TMEM45A: variants seen among roughly 807,000 people sequenced by gnomAD.
TMEM45A encodes the protein DNA polymerase-transactivated protein 4.
A neutral mutation model predicts 32.0 loss-of-function variants in TMEM45A; 25 were observed. That is an observed-to-expected ratio of 0.78 (90% CI 0.57 to 1.09). TMEM45A has a LOEUF of 1.09. Ranked by LOEUF, TMEM45A falls within the 50% of genes least tolerant of loss-of-function variation. The probability of loss-of-function intolerance (pLI) is 0.00; values close to 1 mark genes in which losing one functional copy is unlikely to be tolerated. For synonymous variants in TMEM45A, 122 were observed against 114.8 expected (o/e 1.06, Z -0.40); for missense variants, 302 against 325.0 (o/e 0.93, Z 0.54).
intron 1 of TMEM45A, among the ~76,000 whole-genome samples, chr3:100,502,339 G>A (rs1245334136): frequency 6.6e-6 from 1 of 151,552 alleles, no homozygotes; most frequent in Non-Finnish European, 1.5e-5. Flanking sequence ...TACAAACCAG[G>A]CATAATTCAG....
At chr3:100,500,497 C>G (rs905193353) in intron 1 of TMEM45A, among the ~76,000 whole-genome samples, 3 of 152,154 alleles carry the variant, frequency 2.0e-5, no homozygotes, top group Non-Finnish European at 2.9e-5. Flanking sequence ...CCTGTTCCCT[C>G]TCTCTGGACT....
intron 1 of TMEM45A, among the ~76,000 whole-genome samples, chr3:100,501,713 G>C (rs1295332349): frequency 1.3e-5 from 2 of 152,068 alleles, no homozygotes; most frequent in Non-Finnish European, 2.9e-5. Flanking sequence ...TCACTTTTTT[G>C]GGAGCCAAAC....
intron 1 of TMEM45A, among the ~76,000 whole-genome samples, chr3:100,494,327 T>A (rs1222581929): frequency 1.3e-5 from 2 of 152,122 alleles, no homozygotes; most frequent in African/African-American, 4.8e-5. Flanking sequence ...TTTAGTACAA[T>A]AATTAAAAGT....
At chr3:100,510,052 G>C (rs1207215748) in intron 1 of TMEM45A, among the ~76,000 whole-genome samples, 1 of 152,218 alleles carries the variant, frequency 6.6e-6, no homozygotes, top group Non-Finnish European at 1.5e-5. Flanking sequence ...AGGAGCGCCC[G>C]CCATTGTCCA....
At chr3:100,539,553 A>G (rs933894238) in intron 1 of TMEM45A, among the ~76,000 whole-genome samples, 1 of 151,018 alleles carries the variant, frequency 6.6e-6, no homozygotes, top group Non-Finnish European at 1.5e-5. Flanking sequence ...GACTCACACA[A>G]TTATGGAGGC....
intron 5 of TMEM45A, chr3:100,572,741 A>G (rs1398031155): frequency 1.3e-5 from 2 of 151,574 alleles, no homozygotes; most frequent in African/African-American, 2.4e-5. Flanking sequence ...TAGGTCTAAC[A>G]TGTAAGTCTT....
rs546855291 is a variant in TMEM45A at position 100,507,957 on chromosome 3, A to G, written c.-4+15029A>G. 4.1e-4 allele frequency among the ~76,000 whole-genome samples: 62 copies of G among 151,060 alleles called. 1 individual carries two copies. The highest frequency in any genetic ancestry group is 7.8e-4 in the Non-Finnish European group (53 of 67,802). ...AGAGGACCAAAACAGCAACTAGATA[A>G]GCACGATGTCAAATAGAGTATTTAA... On this transcript the variant is annotated intron_variant, in intron 1 of 5. Transcript: ENST00000323523.
intron 1 of TMEM45A, among the ~76,000 whole-genome samples, chr3:100,527,374 T>C (rs914888731): frequency 6.6e-6 from 1 of 152,224 alleles, no homozygotes; most frequent in East Asian, 1.9e-4. Context: ...ACAAGGTGAA[T>C]ATAGTGCCAT....
rs1706704104 is a variant in TMEM45A, at chr3:100,577,001, T to A, written c.811T>A (p.Ser271Thr). 1 of 1,613,206 alleles carries A rather than the reference T, an allele frequency of 6.2e-7. No homozygotes were observed. The highest frequency in any genetic ancestry group is 8.5e-7 in the Non-Finnish European group (1 of 1,179,784). Residue 271 changes from serine to threonine, a missense_variant, in exon 6 of 6, where the codon TCA becomes ACA. Physicochemically the swap from Ser to Thr is moderately conservative, Grantham distance 58. Coordinates refer to ENST00000323523, the MANE Select transcript of TMEM45A (RefSeq NM_018004.3). ...LLKNAEREQE[S>T]EEEM is the part of the protein sequence containing the mutation. The stretch of plus-strand genomic sequence containing the variant: ...GAAAAATGCTGAACGAGAACAAGAA[T>A]CAGAAGAAGAAATGTGACTTTGATG...
rs1323380063 is a variant in TMEM45A at position 100,555,306 on chromosome 3, A to G, written c.95A>G (p.Lys32Arg). The change falls in exon 2 of 6, where the codon AAA (lysine) becomes AGA (arginine). Residue 32 changes from lysine to arginine, a missense_variant. Physicochemically the swap from Lys to Arg is conservative, Grantham distance 26. Transcript: ENST00000323523. ...AAGAGTATTCTGAAGTATATCTGCA[A>G]AAAGCAAAAGCGAACCTGCTATCTT... ...CTKSILKYIC[K>R]KQKRTCYLGS... 6.2e-7 allele frequency: 1 copy of G among 1,614,074 alleles called. No individual in the cohort carries two copies. The highest frequency in any genetic ancestry group is 8.5e-7 in the Non-Finnish European group (1 of 1,179,984).
intron 4 of TMEM45A, among the ~76,000 whole-genome samples, chr3:100,559,914 A>C (rs552980825): frequency 6.6e-6 from 1 of 152,338 alleles, no homozygotes; most frequent in Non-Finnish European, 1.5e-5. Context: ...AAACAAAAAC[A>C]GGCCAAAGAA....
At chr3:100,569,634 G>A (rs1477628426) in intron 5 of TMEM45A, among the ~76,000 whole-genome samples, 2 of 152,154 alleles carry the variant, frequency 1.3e-5, no homozygotes, top group East Asian at 3.8e-4. Context: ...AGACCTAAAT[G>A]AGATCAAGTA....
At chr3:100,529,870 G>A (rs1271072843) in intron 1 of TMEM45A, among the ~76,000 whole-genome samples, 1 of 151,898 alleles carries the variant, frequency 6.6e-6, no homozygotes, top group Non-Finnish European at 1.5e-5. Context: ...CACATGCCTC[G>A]GTCTCCCAAA....
intron 1 of TMEM45A, among the ~76,000 whole-genome samples, chr3:100,520,726 A>G (rs952805645): frequency 6.6e-6 from 1 of 152,080 alleles, no homozygotes; most frequent in African/African-American, 2.4e-5. Context: ...TGCCAACCTA[A>G]CTTCATGCTT....
chr3:100,518,328 G>A (rs1320463415), intron 1 of TMEM45A, among the ~76,000 whole-genome samples: 1 of 152,140 alleles, frequency 6.6e-6, no homozygotes, highest in Non-Finnish European at 1.5e-5. Context: ...TGAAACTGCT[G>A]TCCATACTCT....
At chr3:100,510,794 G>A (rs1220925242) in intron 1 of TMEM45A, among the ~76,000 whole-genome samples, 1 of 152,184 alleles carries the variant, frequency 6.6e-6, no homozygotes, top group Non-Finnish European at 1.5e-5. Flanking sequence ...TGATGGAGCT[G>A]AAAACCAAGG....
intron 1 of TMEM45A, among the ~76,000 whole-genome samples, chr3:100,511,467 A>G (rs1708158487): frequency 6.6e-6 from 1 of 152,050 alleles, no homozygotes; most frequent in Admixed American, 6.5e-5. Context: ...AGAGCTCCTG[A>G]AGGAAGCGCT....
Position 100,555,390 on chromosome 3 carries a change from T to C in TMEM45A, c.179T>C (p.Met60Thr), listed in dbSNP as rs1447372647. The C allele has an allele frequency of 6.2e-7, 1 of 1,613,390 alleles. No individual in the cohort carries two copies. Among genetic ancestry groups the C allele is most frequent in the Non-Finnish European group, 8.5e-7 (1 of 1,179,522 alleles). Residue 60 changes from methionine (M) to threonine (T), a missense_variant, in exon 2 of 6, where the codon ATG becomes ACG. By Grantham distance (81) the Met-to-Thr change is moderately conservative. Transcript: ENST00000323523. ...TTGGAGGGAATTACAATAGTTGGCA[T>C]GGCTTTAACTGGTGAGTGGACCATT... is the stretch of plus-strand genomic sequence containing the variant. ...EILEGITIVG[M>T]ALTGMAGEQF...
At chr3:100,576,065 C>G (rs551131302) in intron 5 of TMEM45A, among the ~76,000 whole-genome samples, 1 of 152,080 alleles carries the variant, frequency 6.6e-6, no homozygotes, top group African/African-American at 2.4e-5. Flanking sequence ...ATAATCGGAG[C>G]ACTTTGGGAG....
Sources: gnomAD v4.1 joint callset for allele counts (sites outside exome capture counted in the v4.1 genomes callset) on GRCh38, gnomAD v4.1.1 for gene constraint, MANE v1.5 for transcripts, NCBI Gene and HGNC (gene_info 2026-07-23, HGNC 2026-07-21) for gene names.